Variants in AVL9 observed in about 807,000 individuals in gnomAD.
AVL9 encodes late secretory pathway protein AVL9 homolog.
AVL9 carries 49 observed loss-of-function variants against 79.2 expected under a neutral mutation model. The ratio of observed to expected loss-of-function variants is 0.62; its 90% CI spans 0.49 to 0.79. The LOEUF is 0.79. AVL9 is among the 30% of genes least tolerant of loss of function. AVL9 has a pLI of 0.00. For synonymous variants in AVL9, 299 were observed against 280.6 expected (o/e 1.07, Z -0.65); for missense variants, 682 against 776.8 (o/e 0.88, Z 1.45).
At chr7:32,582,361 A>C (rs1583616003) in intron 15 of AVL9, among the ~76,000 whole-genome samples, 2 of 133,598 alleles carry the variant, frequency 1.5e-5, no homozygotes, top group Admixed American at 1.4e-4. Context: ...TAGTTTTCTG[A>C]ATACCTAGAG....
At chr7:32,553,638 AC>A (rs1789934794) in intron 6 of AVL9, 88 bp from the exon 7 acceptor site, 19 of 895,164 alleles carry the variant, frequency 2.1e-5, no homozygotes, top group Non-Finnish European at 3.3e-5. Flanking sequence ...TTTTTTTTTA[AC>A]CTTTCTTTCT....
At chr7:32,577,716 G>T (rs989398179) in intron 13 of AVL9, among the ~76,000 whole-genome samples, 1 of 152,184 alleles carries the variant, frequency 6.6e-6, no homozygotes, top group Non-Finnish European at 1.5e-5. Flanking sequence ...GTCCAAAAGA[G>T]ACTTAGCTGA....
chr7:32,578,497 A>AT (rs1162911356), intron 13 of AVL9, among the ~76,000 whole-genome samples: 1 of 152,204 alleles, frequency 6.6e-6, no homozygotes, highest in East Asian at 1.9e-4. Flanking sequence ...AATTTTCAAC[A>AT]TTTTTACCAA....
intron 1 of AVL9, among the ~76,000 whole-genome samples, chr7:32,513,616 G>A (rs567775530): frequency 6.6e-6 from 1 of 152,214 alleles, no homozygotes; most frequent in Non-Finnish European, 1.5e-5. Context: ...ATTGAAGGGG[G>A]CCTGCCCCTC....
chr7:32,518,502 A>G (rs1449244456), intron 1 of AVL9, among the ~76,000 whole-genome samples: 1 of 152,190 alleles, frequency 6.6e-6, no homozygotes, highest in East Asian at 1.9e-4. Context: ...GTATGCTCTT[A>G]TTAAAAGGTA....
At chr7:32,501,142 G>A (rs1395220873) in intron 1 of AVL9, among the ~76,000 whole-genome samples, 1 of 152,158 alleles carries the variant, frequency 6.6e-6, no homozygotes, top group East Asian at 1.9e-4. Context: ...TTTAGAAATG[G>A]GTTGATATTA....
intron 13 of AVL9, among the ~76,000 whole-genome samples, chr7:32,578,764 G>A (rs755841685): frequency 1.3e-5 from 2 of 152,080 alleles, no homozygotes; most frequent in South Asian, 2.1e-4. Flanking sequence ...CTGAGATTGC[G>A]CCACTGCACT....
At chr7:32,539,703 A>G (rs549108692) in intron 1 of AVL9, among the ~76,000 whole-genome samples, 13 of 152,242 alleles carry the variant, frequency 8.5e-5, no homozygotes, top group Non-Finnish European at 1.5e-4. Context: ...ACACAAATTT[A>G]TTAAAGTTCT....
rs566128444 is a variant in AVL9, at chr7:32,518,481, C to CA, written c.93+22689dup. 5.0e-3 allele frequency among the ~76,000 whole-genome samples: 749 copies of CA among 148,888 alleles called. 5 individuals are homozygous for CA. Among genetic ancestry groups the CA allele is most frequent in the African/African-American group, 0.017 (692 of 40,404 alleles). ...ATTATATTGTAGGAAAACATTGTTTCAAAAAAAAAAGTATGCTCTTATTAA... is the reference window on the plus strand; with the variant it reads ...ATTATATTGTAGGAAAACATTGTTTCAAAAAAAAAAAGTATGCTCTTATTAA... On this transcript the variant is annotated intron_variant, in intron 1 of 15. Coordinates refer to ENST00000318709, the MANE Select transcript of AVL9 (RefSeq NM_015060.3).
At chr7:32,553,621 AC>A in intron 6 of AVL9, 105 bp from the exon 7 acceptor site, 4 of 667,092 alleles carry the variant, frequency 6.0e-6, no homozygotes, top group Non-Finnish European at 9.7e-6. Context: ...GCATATTCCT[AC>A]TTTTTTTTTT....
At chr7:32,502,654 T>C (rs1787194272) in intron 1 of AVL9, among the ~76,000 whole-genome samples, 1 of 152,192 alleles carries the variant, frequency 6.6e-6, no homozygotes. Context: ...CCTTTTCTCA[T>C]AAGTATAGAG....
chr7:32,528,623 G>GGT (rs1431591286), intron 1 of AVL9, among the ~76,000 whole-genome samples: 3 of 151,994 alleles, frequency 2.0e-5, no homozygotes, highest in East Asian at 3.9e-4. Flanking sequence ...AGGCTCCCTT[G>GGT]GTACTACTCT....
At chr7:32,548,681 T>G (rs1373357374) in intron 3 of AVL9, among the ~76,000 whole-genome samples, 166 bp from the exon 4 acceptor site, 1 of 152,228 alleles carries the variant, frequency 6.6e-6, no homozygotes, top group Non-Finnish European at 1.5e-5. Flanking sequence ...AGGCCCAAAC[T>G]GACATTTATT....
At position 32,551,335 on chromosome 7, in the gene AVL9, C is replaced by T; in HGVS notation, c.374C>T (p.Pro125Leu). The change falls in exon 5 of 16, where the codon CCT (proline) becomes CTT (leucine). Residue 125 changes from proline to leucine, a missense_variant and splice_region_variant. Coordinates refer to ENST00000318709, the MANE Select transcript of AVL9 (RefSeq NM_015060.3). ...GTAATTTCTCTTTTTTCCTTTAAGCCTCTGTATGGTTTACTTCAAGCAAAA... is the reference window on the plus strand; with the variant it reads ...GTAATTTCTCTTTTTTCCTTTAAGCTTCTGTATGGTTTACTTCAAGCAAAA... ...QKSVCVLSKL[P>L]LYGLLQAKLQ... is the part of the protein sequence containing the mutation. 6.3e-7 allele frequency: 1 copy of T among 1,589,876 alleles called. No individual in the cohort carries two copies.
At chr7:32,502,408 A>G (rs1317194093) in intron 1 of AVL9, among the ~76,000 whole-genome samples, 3 of 151,396 alleles carry the variant, frequency 2.0e-5, no homozygotes, top group African/African-American at 7.3e-5. Flanking sequence ...AAAAAAAAAA[A>G]AGAAAGAAAA....
rs1227025763 is a variant in AVL9, at chr7:32,548,144, C to CTCTTTTTTTTTTTTT, written c.301-702_301-701insCTTTTTTTTTTTTTT. Among the ~76,000 whole-genome samples, 9 of 57,592 alleles carry CTCTTTTTTTTTTTTT rather than the reference C, an allele frequency of 1.6e-4. 1 individual carries two copies. The highest frequency in any genetic ancestry group is 4.3e-4 in the African/African-American group (8 of 18,504). 37.8% of individuals were successfully genotyped at this position (57,592 alleles called of 152,430 possible). On this transcript the variant is annotated intron_variant, in intron 3 of 15. Transcript: ENST00000318709. Reference sequence around the variant, plus strand: ...AACAAGCTGTCTGTTTTTGTCATCTCTTTTTTCTTTTTTTTTTTTTTGAGA... The same window carrying CTCTTTTTTTTTTTTT: ...AACAAGCTGTCTGTTTTTGTCATCTCTCTTTTTTTTTTTTTTTTTTTCTTTTTTTTTTTTTTGAGA...
intron 6 of AVL9, 25 bp from the exon 7 acceptor site, chr7:32,553,702 T>A: frequency 1.9e-6 from 3 of 1,600,760 alleles, no homozygotes; most frequent in Non-Finnish European, 2.6e-6. Flanking sequence ...GTAGTCACAC[T>A]TGAGCTTTTT....
intron 1 of AVL9, among the ~76,000 whole-genome samples, chr7:32,526,522 A>T (rs1387399403): frequency 2.0e-5 from 3 of 152,156 alleles, no homozygotes; most frequent in Non-Finnish European, 4.4e-5. Flanking sequence ...GAGGGGCCCA[A>T]AGCCTGACTG....
At chr7:32,564,522 G>C (rs2290216) in intron 10 of AVL9, among the ~76,000 whole-genome samples, 108,337 of 152,096 alleles carry the variant, frequency 0.71, 39,088 homozygotes, top group South Asian at 0.85. Context: ...CTGAAGTAGA[G>C]TAGTTATCAT....
Sources: gnomAD v4.1 joint callset for allele counts (sites outside exome capture counted in the v4.1 genomes callset) on GRCh38, gnomAD v4.1.1 for gene constraint, MANE v1.5 for transcripts, NCBI Gene and HGNC (gene_info 2026-07-23, HGNC 2026-07-21) for gene names.